The following ZNF143 variants were observed in gnomAD, a reference collection of about 807,000 sequenced individuals.
The protein encoded by ZNF143 is zinc finger protein 143, also known as SPH-binding factor.
In ZNF143, 49 loss-of-function variants were observed where a neutral mutation model predicts 74.1. That is an observed-to-expected ratio of 0.66 (90% CI 0.53 to 0.84). The LOEUF (loss-of-function observed/expected upper bound fraction) is 0.84, where lower values mean the gene tolerates loss of function less well. Among genes scored for constraint, ZNF143 ranks in the 40% least tolerant of loss-of-function variants. The probability of loss-of-function intolerance (pLI) is 0.00; values close to 1 mark genes in which losing one functional copy is unlikely to be tolerated. For synonymous variants in ZNF143, 304 were observed against 282.8 expected (o/e 1.07, Z -0.75); for missense variants, 637 against 793.4 (o/e 0.80, Z 2.37).
intron 7 of ZNF143, among the ~76,000 whole-genome samples, chr11:9,492,445 C>T (rs556121636): frequency 2.1e-4 from 32 of 151,878 alleles, no homozygotes; most frequent in African/African-American, 7.2e-4. Flanking sequence ...GACAGGGTTT[C>T]ACTGTGTTTG....
chr11:9,512,229 A>T (rs1254905494), intron 12 of ZNF143, among the ~76,000 whole-genome samples: 1 of 152,188 alleles, frequency 6.6e-6, no homozygotes, highest in Non-Finnish European at 1.5e-5. Context: ...CTTAAATTTG[A>T]TGCAGAAAGA....
chr11:9,512,373 T>G, intron 12 of ZNF143, 75 bp from the exon 13 acceptor site: 2 of 1,527,978 alleles, frequency 1.3e-6, no homozygotes, highest in Non-Finnish European at 1.8e-6. Context: ...AATTTTCTCT[T>G]TAATATTTAA....
At chr11:9,486,726 TG>T (rs1847568180) in intron 7 of ZNF143, among the ~76,000 whole-genome samples, 1 of 149,952 alleles carries the variant, frequency 6.7e-6, no homozygotes, top group Non-Finnish European at 1.5e-5. Context: ...TGGAGTGCAG[TG>T]GTGTAATCTC....
chr11:9,511,415 GCC>G (rs1848539797), intron 12 of ZNF143, among the ~76,000 whole-genome samples: 1 of 151,382 alleles, frequency 6.6e-6, no homozygotes, highest in Non-Finnish European at 1.5e-5. Flanking sequence ...TCCTGCCTCA[GCC>G]CCCTGAGTAG....
chr11:9,518,390 A>G (rs546826246), intron 14 of ZNF143, among the ~76,000 whole-genome samples: 1 of 152,328 alleles, frequency 6.6e-6, no homozygotes, highest in South Asian at 2.1e-4. Context: ...CAATAAGCAC[A>G]TGAAAAGATG....
intron 11 of ZNF143, among the ~76,000 whole-genome samples, chr11:9,505,331 G>T (rs1187889747): frequency 2.1e-5 from 3 of 140,680 alleles, no homozygotes; most frequent in Admixed American, 2.1e-4. Context: ...GTGCAGTGTC[G>T]TGACCTCAGC....
intron 7 of ZNF143, among the ~76,000 whole-genome samples, chr11:9,491,365 G>A (rs780052630): frequency 2.6e-5 from 4 of 151,506 alleles, no homozygotes; most frequent in Admixed American, 6.6e-5. Flanking sequence ...GGCTGGGCGC[G>A]GTGGCTCACA....
At chr11:9,510,719 C>T (rs1195083688) in intron 12 of ZNF143, among the ~76,000 whole-genome samples, 1 of 150,820 alleles carries the variant, frequency 6.6e-6, no homozygotes, top group Non-Finnish European at 1.5e-5. Flanking sequence ...ATATTATGTC[C>T]TTTGAGGGGG....
intron 10 of ZNF143, among the ~76,000 whole-genome samples, chr11:9,498,053 A>G (rs1848029893): frequency 6.6e-6 from 1 of 151,610 alleles, no homozygotes; most frequent in Non-Finnish European, 1.5e-5. Context: ...GATGGTCTCA[A>G]TCTTCTGACC....
At chr11:9,462,533 C>A (rs911566588) in intron 1 of ZNF143, among the ~76,000 whole-genome samples, 1 of 150,632 alleles carries the variant, frequency 6.6e-6, no homozygotes, top group Non-Finnish European at 1.5e-5. Flanking sequence ...ACTGTACTCC[C>A]GTCTGGGTGA....
chr11:9,508,965 CAT>C, intron 12 of ZNF143, 119 bp downstream of exon 12: 2 of 1,048,908 alleles, frequency 1.9e-6, no homozygotes, highest in Non-Finnish European at 2.8e-6. Flanking sequence ...ATCACATAAA[CAT>C]AATTTACAGC....
intron 5 of ZNF143, among the ~76,000 whole-genome samples, chr11:9,477,457 A>G (rs1272908516): frequency 4.0e-5 from 6 of 151,782 alleles, no homozygotes; most frequent in African/African-American, 7.3e-5. Context: ...GGATTTCACC[A>G]TGTTGGCTAG....
At chr11:9,498,966 A>ATCC (rs1417021409) in intron 10 of ZNF143, among the ~76,000 whole-genome samples, 1 of 152,154 alleles carries the variant, frequency 6.6e-6, no homozygotes, top group Non-Finnish European at 1.5e-5. Context: ...TGCACTTTTT[A>ATCC]TTTATTGTAT....
intron 12 of ZNF143, 34 bp from the exon 13 acceptor site, chr11:9,512,414 T>G (rs755216057): frequency 3.1e-6 from 5 of 1,594,064 alleles, no homozygotes; most frequent in Non-Finnish European, 4.3e-6. Flanking sequence ...AATTGGTTGG[T>G]TGGTCAAATA....
chr11:9,474,401 C>A, intron 4 of ZNF143, 149 bp from the exon 5 acceptor site: 1 of 751,216 alleles, frequency 1.3e-6, no homozygotes, highest in Non-Finnish European at 2.2e-6. Flanking sequence ...CGCAGGGAAG[C>A]TTTACTGAAC....
intron 5 of ZNF143, among the ~76,000 whole-genome samples, chr11:9,477,115 C>T (rs1256997774): frequency 1.9e-5 from 1 of 51,710 alleles, no homozygotes; most frequent in African/African-American, 1.3e-4. Flanking sequence ...GTCTGCACCC[C>T]TTCCTTCCTT....
intron 14 of ZNF143, among the ~76,000 whole-genome samples, chr11:9,522,630 A>G (rs1278357718): frequency 1.3e-5 from 2 of 152,154 alleles, no homozygotes; most frequent in Non-Finnish European, 2.9e-5. Context: ...AGTAGCTGGG[A>G]TTACAAGCAC....
chr11:9,515,429 C>G (rs922977312), intron 13 of ZNF143, among the ~76,000 whole-genome samples: 1 of 151,362 alleles, frequency 6.6e-6, no homozygotes, highest in African/African-American at 2.4e-5. Flanking sequence ...GTGGGCGGAT[C>G]ACAAGGTCAG....
At chr11:9,517,299 A>T (rs1205781654) in intron 14 of ZNF143, among the ~76,000 whole-genome samples, 1 of 150,802 alleles carries the variant, frequency 6.6e-6, no homozygotes, top group African/African-American at 2.4e-5. Context: ...GAACTTCCTC[A>T]TTCTGTTTTT....
Sources: gnomAD v4.1 joint callset for allele counts (sites outside exome capture counted in the v4.1 genomes callset) on GRCh38, gnomAD v4.1.1 for gene constraint, MANE v1.5 for transcripts, NCBI Gene and HGNC (gene_info 2026-07-23, HGNC 2026-07-21) for gene names.